The following DSCAM variants were observed in gnomAD, a reference collection of about 807,000 sequenced individuals.
DSCAM encodes cell adhesion molecule DSCAM.
In DSCAM, 47 loss-of-function variants were observed where a neutral mutation model predicts 217.7. The ratio of observed to expected loss-of-function variants is 0.22; its 90% CI spans 0.17 to 0.28. The LOEUF (loss-of-function observed/expected upper bound fraction) is 0.28, where lower values mean the gene tolerates loss of function less well. Ranked by LOEUF, DSCAM falls within the 10% of genes least tolerant of loss-of-function variation. The pLI is 1.00. For missense variants in DSCAM, 2,080 were observed against 2,618.3 expected (o/e 0.79, Z 4.49); for synonymous variants, 1,056 against 1,015.3 (o/e 1.04, Z -0.76).
intron 3 of DSCAM, among the ~76,000 whole-genome samples, chr21:40,571,636 G>C: frequency 1.3e-5 from 2 of 152,194 alleles, no homozygotes; most frequent in Middle Eastern, 6.8e-3. Flanking sequence ...AAAAATAAAG[G>C]ACCTACTTAT....
chr21:40,527,308 C>T (rs532413301), intron 3 of DSCAM, among the ~76,000 whole-genome samples: 2 of 152,334 alleles, frequency 1.3e-5, no homozygotes, highest in South Asian at 4.1e-4. Context: ...GTCCCATAGT[C>T]TTCTTCTCCA....
chr21:40,424,283 T>C (rs1220859348), intron 3 of DSCAM, among the ~76,000 whole-genome samples: 2 of 152,190 alleles, frequency 1.3e-5, no homozygotes, highest in African/African-American at 4.8e-5. Flanking sequence ...AAGGTCTTTA[T>C]AGTGATAATC....
intron 1 of DSCAM, among the ~76,000 whole-genome samples, chr21:40,760,545 A>T (rs2091322639): frequency 6.6e-6 from 1 of 152,126 alleles, no homozygotes; most frequent in Non-Finnish European, 1.5e-5. Flanking sequence ...CCAGTCAGGG[A>T]GTAAGAATGG....
intron 24 of DSCAM, 50 bp downstream of exon 24, chr21:40,083,858 T>A (rs751016135): frequency 2.0e-6 from 3 of 1,466,240 alleles, no homozygotes; most frequent in Admixed American, 3.8e-5. Context: ...CTTATTGGCA[T>A]GTGGATCACA....
intron 1 of DSCAM, among the ~76,000 whole-genome samples, chr21:40,767,451 C>T (rs958252324): frequency 3.3e-5 from 5 of 152,164 alleles, no homozygotes; most frequent in South Asian, 2.1e-4. Flanking sequence ...GCATTCTCTG[C>T]GCTCCCTGCA....
chr21:40,564,688 C>A (rs749752360), intron 3 of DSCAM, among the ~76,000 whole-genome samples: 3 of 152,128 alleles, frequency 2.0e-5, no homozygotes, highest in Non-Finnish European at 4.4e-5. Flanking sequence ...GGAATGAGCA[C>A]GTGAAACGGG....
At chr21:40,657,478 C>T (rs970340229) in intron 3 of DSCAM, among the ~76,000 whole-genome samples, 1 of 152,148 alleles carries the variant, frequency 6.6e-6, no homozygotes, top group African/African-American at 2.4e-5. Flanking sequence ...AAGTGCCTTT[C>T]AAACTGCAAG....
rs73906385 is a variant in DSCAM at position 40,031,419 on chromosome 21, A to G, written c.5686+10952T>C. On this transcript the variant is annotated intron_variant, in intron 32 of 32. Coordinates refer to ENST00000400454, the MANE Select transcript of DSCAM (RefSeq NM_001389.5). ...TGTATTGAATCCCTACTGATTGAAT[A>G]TCTCCTGAGTAAAAAGACACTGGGT... is the stretch of plus-strand genomic sequence containing the variant. Among the ~76,000 whole-genome samples, 919 of 152,296 alleles carry G rather than the reference A, an allele frequency of 6.0e-3. 4 individuals carry two copies. Among genetic ancestry groups the G allele is most frequent in the African/African-American group, 0.021 (882 of 41,558 alleles).
At chr21:40,214,038 T>C (rs941455066) in intron 11 of DSCAM, among the ~76,000 whole-genome samples, 4 of 152,192 alleles carry the variant, frequency 2.6e-5, no homozygotes, top group Non-Finnish European at 2.9e-5. Flanking sequence ...CTTCCTTTCC[T>C]AGACAGACGG....
At chr21:40,454,601 T>C (rs944990560) in intron 3 of DSCAM, among the ~76,000 whole-genome samples, 2 of 152,218 alleles carry the variant, frequency 1.3e-5, no homozygotes, top group African/African-American at 4.8e-5. Context: ...GCAGAGTTTA[T>C]ACAATTCATC....
intron 9 of DSCAM, among the ~76,000 whole-genome samples, chr21:40,310,640 C>T (rs148620809): frequency 1.4e-3 from 213 of 152,280 alleles, no homozygotes; most frequent in South Asian, 5.4e-3. Flanking sequence ...AAAGCATCCC[C>T]GTACATTTTT....
At chr21:40,495,245 C>G (rs556720503) in intron 3 of DSCAM, among the ~76,000 whole-genome samples, 3 of 152,256 alleles carry the variant, frequency 2.0e-5, no homozygotes, top group Non-Finnish European at 2.9e-5. Context: ...CAGCATTACC[C>G]TGATACCAAA....
chr21:40,186,906 T>G (rs1286802410), intron 14 of DSCAM, among the ~76,000 whole-genome samples: 1 of 151,944 alleles, frequency 6.6e-6, no homozygotes, highest in East Asian at 1.9e-4. Context: ...AAGACTGAAG[T>G]CTGGGCTGGC....
At chr21:40,826,963 T>C (rs1216067561) in intron 1 of DSCAM, among the ~76,000 whole-genome samples, 2 of 151,530 alleles carry the variant, frequency 1.3e-5, no homozygotes, top group Non-Finnish European at 2.9e-5. Flanking sequence ...AATTAAATTA[T>C]ATAGAGAGGA....
rs145504524 is a variant in DSCAM at position 40,819,239 on chromosome 21, C to A, written c.43+27380G>T. On this transcript the variant is annotated intron_variant, in intron 1 of 32. Transcript: ENST00000400454. ...GAGTCCAAAAGGCAGACTCAAGTGA[C>A]CAGAAAAATTCTCTTTCAGCTAATT... Among the ~76,000 whole-genome samples, 237 of 152,286 alleles carry A rather than the reference C, an allele frequency of 1.6e-3. 1 individual carries two copies. Among genetic ancestry groups the A allele is most frequent in the African/African-American group, 5.1e-3 (212 of 41,570 alleles).
chr21:40,229,464 T>A (rs933105442), intron 11 of DSCAM, among the ~76,000 whole-genome samples: 1 of 152,234 alleles, frequency 6.6e-6, no homozygotes, highest in African/African-American at 2.4e-5. Flanking sequence ...TTATCATACA[T>A]AATATCCTCA....
intron 3 of DSCAM, among the ~76,000 whole-genome samples, chr21:40,565,023 C>T (rs2076753994): frequency 1.3e-5 from 2 of 152,110 alleles, no homozygotes; most frequent in African/African-American, 2.4e-5. Context: ...CAACACGGTG[C>T]CATTTCCAAA....
Position 40,233,939 on chromosome 21 carries a change from G to C in DSCAM, c.2356+42158C>G, listed in dbSNP as rs375457984. Among the ~76,000 whole-genome samples, 54 of 152,196 alleles carry C rather than the reference G, an allele frequency of 3.5e-4. No individual in the cohort carries two copies. In the South Asian group the frequency reaches 7.0e-3, roughly 20 times the overall value. On this transcript the variant is annotated intron_variant, in intron 11 of 32. Coordinates refer to ENST00000400454, the MANE Select transcript of DSCAM (RefSeq NM_001389.5). The stretch of plus-strand genomic sequence containing the variant: ...AGGTAAGGTCTGCACACTCCTTCCT[G>C]CCTCGCTTTGGCTGTTGAATGACTC...
At chr21:40,298,475 C>T (rs1348858312) in intron 9 of DSCAM, among the ~76,000 whole-genome samples, 3 of 151,948 alleles carry the variant, frequency 2.0e-5, no homozygotes, top group Admixed American at 6.6e-5. Context: ...AAGTGATAAG[C>T]AATGTTACTT....
Sources: allele counts gnomAD v4.1 joint callset (sites outside exome capture counted in the v4.1 genomes callset), GRCh38; gene constraint gnomAD v4.1.1; transcripts MANE v1.5; gene names NCBI Gene and HGNC (gene_info 2026-07-23, HGNC 2026-07-21).